PKHD1: variants seen among roughly 807,000 people sequenced by gnomAD.
The protein encoded by PKHD1 is PKHD1 ciliary IPT domain containing fibrocystin/polyductin, also known as fibrocystin.
Under a neutral mutation model 412.0 loss-of-function variants are expected in PKHD1, and 291 were observed. The observed-to-expected ratio is 0.71, with a 90% confidence interval of 0.64 to 0.78. The LOEUF (loss-of-function observed/expected upper bound fraction) is 0.78, where lower values mean the gene tolerates loss of function less well. Ranked by LOEUF, PKHD1 falls within the 30% of genes least tolerant of loss-of-function variation. The pLI, the probability that PKHD1 is intolerant of heterozygous loss-of-function variation, is 0.00. For missense variants in PKHD1, 4,825 were observed against 4,950.7 expected (o/e 0.97, Z 0.76); for synonymous variants, 1,777 against 1,821.5 (o/e 0.98, Z 0.62).
At chr6:52,013,838 T>C (rs938154473) in intron 34 of PKHD1, among the ~76,000 whole-genome samples, 9 of 152,208 alleles carry the variant, frequency 5.9e-5, no homozygotes, top group Admixed American at 2.0e-4. Context: ...CTCCTTAGGA[T>C]AGGTAGGGAA....
chr6:51,913,725 T>A (rs1293122756), intron 37 of PKHD1, among the ~76,000 whole-genome samples: 3 of 152,150 alleles, frequency 2.0e-5, no homozygotes, highest in Non-Finnish European at 4.4e-5. Flanking sequence ...AACTTTCCTC[T>A]TTATTTATTT....
chr6:51,991,768 GA>G (rs1215931333), intron 35 of PKHD1, among the ~76,000 whole-genome samples: 1 of 152,132 alleles, frequency 6.6e-6, no homozygotes, highest in African/African-American at 2.4e-5. Flanking sequence ...TTTAATGATG[GA>G]CTTTATGGAT....
At chr6:51,720,009 A>C (rs1328055859) in intron 60 of PKHD1, among the ~76,000 whole-genome samples, 1 of 152,226 alleles carries the variant, frequency 6.6e-6, no homozygotes, top group Non-Finnish European at 1.5e-5. Flanking sequence ...TGGCAGTCTA[A>C]CCACTAAAAA....
At chr6:51,975,321 G>A (rs895477960) in intron 35 of PKHD1, among the ~76,000 whole-genome samples, 1 of 151,982 alleles carries the variant, frequency 6.6e-6, no homozygotes, top group African/African-American at 2.4e-5. Context: ...ACTCTTTTGT[G>A]TATCAAAGGA....
rs1475645572 is a variant in PKHD1 at position 51,934,248 on chromosome 6, C to G, written c.5983G>C (p.Glu1995Gln). Residue 1995 changes from glutamate to glutamine, a missense_variant, in exon 37 of 67, where the codon GAG (glutamate) becomes CAG (glutamine). By Grantham distance (29) the Glu-to-Gln change is conservative (BLOSUM62 2). Transcript: ENST00000371117. ...AHAILVSDGG[E>Q]LRIGSEDKPF... ...TTGTCTTCGGATCCAATCCGGAGCT[C>G]TCCACCATCAGAAACAAGGATGGCG... The G allele has an allele frequency of 6.2e-7, 1 of 1,613,856 alleles. No individual in the cohort carries two copies. The highest frequency in any genetic ancestry group is 8.5e-7 in the Non-Finnish European group (1 of 1,179,890).
At chr6:51,845,382 T>C (rs1022344471) in intron 50 of PKHD1, among the ~76,000 whole-genome samples, 1 of 152,192 alleles carries the variant, frequency 6.6e-6, no homozygotes, top group Admixed American at 6.5e-5. Flanking sequence ...GAAGTGGCTC[T>C]AGCCAGCTAT....
At chr6:51,858,168 T>C (rs533539667) in intron 48 of PKHD1, among the ~76,000 whole-genome samples, 96 of 152,214 alleles carry the variant, frequency 6.3e-4, no homozygotes, top group Admixed American at 9.8e-4. Context: ...TCCCCTTCTT[T>C]CAGTTATGGG....
At chr6:51,668,653 G>A (rs1191051435) in intron 60 of PKHD1, among the ~76,000 whole-genome samples, 1 of 152,136 alleles carries the variant, frequency 6.6e-6, no homozygotes, top group Non-Finnish European at 1.5e-5. Context: ...TCCAATTTTT[G>A]CCCATTCAGT....
chr6:51,922,793 G>A (rs1453509841), intron 37 of PKHD1, among the ~76,000 whole-genome samples: 1 of 152,132 alleles, frequency 6.6e-6, no homozygotes, highest in Admixed American at 6.5e-5. Context: ...TAAGACCATT[G>A]GAAAAGTGCA....
intron 60 of PKHD1, among the ~76,000 whole-genome samples, chr6:51,682,604 T>C (rs1200715030): frequency 6.6e-6 from 1 of 152,098 alleles, no homozygotes; most frequent in Admixed American, 6.6e-5. Context: ...TATGTCCAGG[T>C]CTTCTCCTTT....
intron 43 of PKHD1, among the ~76,000 whole-genome samples, chr6:51,901,505 C>T (rs1781280088): frequency 1.3e-5 from 2 of 151,682 alleles, no homozygotes; most frequent in Admixed American, 6.6e-5. Flanking sequence ...GAACATCACA[C>T]TCTGGGGACT....
chr6:51,804,963 A>AT (rs72542714), intron 52 of PKHD1, among the ~76,000 whole-genome samples: 2 of 151,558 alleles, frequency 1.3e-5, no homozygotes, highest in Non-Finnish European at 2.9e-5. Flanking sequence ...CTGTGGAAAA[A>AT]AGTTTGGTGA....
At chr6:51,887,062 T>C (rs995953196) in intron 44 of PKHD1, 71 bp downstream of exon 44, 5 of 964,362 alleles carry the variant, frequency 5.2e-6, no homozygotes, top group Middle Eastern at 2.1e-4. Flanking sequence ...AGTGCTCTCA[T>C]TGTGAGCATT....
At chr6:51,702,069 A>G (rs934575134) in intron 60 of PKHD1, among the ~76,000 whole-genome samples, 4 of 147,674 alleles carry the variant, frequency 2.7e-5, no homozygotes, top group Non-Finnish European at 5.9e-5. Context: ...ACACATGTTT[A>G]TAGCAGCACA....
intron 53 of PKHD1, among the ~76,000 whole-genome samples, chr6:51,783,426 A>G (rs1363568406): frequency 2.6e-5 from 1 of 38,238 alleles, no homozygotes; most frequent in Non-Finnish European, 7.2e-5. Context: ...TTTAATAATT[A>G]ATACAAATGT....
At chr6:51,950,358 C>T (rs949490472) in intron 36 of PKHD1, among the ~76,000 whole-genome samples, 4 of 151,812 alleles carry the variant, frequency 2.6e-5, no homozygotes, top group African/African-American at 9.7e-5. Context: ...ATGCTGTGCT[C>T]AAGATAAGCC....
chr6:51,746,951 G>T, intron 58 of PKHD1, 62 bp from the exon 59 acceptor site: 3 of 971,540 alleles, frequency 3.1e-6, no homozygotes, highest in Non-Finnish European at 3.2e-6. Flanking sequence ...CACAAATATC[G>T]AATATACAAC....
At chr6:51,900,605 G>T (rs1405536292) in intron 43 of PKHD1, among the ~76,000 whole-genome samples, 1 of 152,028 alleles carries the variant, frequency 6.6e-6, no homozygotes, top group South Asian at 2.1e-4. Context: ...CAGGACATAG[G>T]CATGGGCAAG....
At chr6:51,770,381 C>T (rs149476743) in intron 55 of PKHD1, among the ~76,000 whole-genome samples, 236 of 151,690 alleles carry the variant, frequency 1.6e-3, no homozygotes, top group African/African-American at 5.3e-3. Flanking sequence ...TTTGAGGCTC[C>T]TTTATTTTGT....
Sources: gnomAD v4.1 joint callset for allele counts (sites outside exome capture counted in the v4.1 genomes callset) on GRCh38, gnomAD v4.1.1 for gene constraint, MANE v1.5 for transcripts, NCBI Gene and HGNC (gene_info 2026-07-23, HGNC 2026-07-21) for gene names.